FHIT: variants seen among roughly 807,000 people sequenced by gnomAD.
FHIT encodes bis(5'-adenosyl)-triphosphatase.
FHIT carries 19 observed loss-of-function variants against 17.9 expected under a neutral mutation model. The observed-to-expected ratio is 1.06, with a 90% CI of 0.74 to 1.56. The LOEUF is 1.56. Among genes scored for constraint, FHIT ranks in the 40% most tolerant of loss-of-function variants. The pLI is 0.00. For synonymous variants in FHIT, 81 were observed against 69.7 expected (o/e 1.16, Z -0.81); for missense variants, 248 against 189.2 (o/e 1.31, Z -1.82).
chr3:61,233,003 A>T (rs2040143511), intron 1 of FHIT, among the ~76,000 whole-genome samples: 1 of 152,232 alleles, frequency 6.6e-6, no homozygotes, highest in Admixed American at 6.5e-5. Flanking sequence ...CTTAAGGGAG[A>T]TGGGTACAAA....
chr3:61,163,255 G>T (rs2037747040), intron 2 of FHIT, among the ~76,000 whole-genome samples: 3 of 152,144 alleles, frequency 2.0e-5, no homozygotes, highest in Non-Finnish European at 4.4e-5. Context: ...CTGCCAAGAA[G>T]TTTAGATCTC....
intron 5 of FHIT, among the ~76,000 whole-genome samples, chr3:60,291,614 A>G (rs910267419): frequency 6.6e-6 from 1 of 152,152 alleles, no homozygotes; most frequent in Non-Finnish European, 1.5e-5. Flanking sequence ...GTAGGAAAAA[A>G]ATAATTTCTT....
At chr3:61,141,334 G>A (rs966735086) in intron 2 of FHIT, among the ~76,000 whole-genome samples, 3 of 152,102 alleles carry the variant, frequency 2.0e-5, no homozygotes, top group Admixed American at 6.5e-5. Context: ...CTCAGTCTTC[G>A]GAGCTTCAAA....
At chr3:60,352,783 G>T (rs1025517477) in intron 5 of FHIT, among the ~76,000 whole-genome samples, 1 of 152,106 alleles carries the variant, frequency 6.6e-6, no homozygotes, top group African/African-American at 2.4e-5. Context: ...CAGGTCACTG[G>T]GTTTACAGGC....
intron 5 of FHIT, among the ~76,000 whole-genome samples, chr3:60,533,108 AT>A (rs1302912109): frequency 1.3e-5 from 2 of 151,992 alleles, no homozygotes; most frequent in African/African-American, 2.4e-5. Flanking sequence ...CCATCAATTC[AT>A]TCACTGCTTT....
intron 2 of FHIT, among the ~76,000 whole-genome samples, chr3:61,135,782 G>A (rs1180172936): frequency 6.6e-6 from 1 of 152,110 alleles, no homozygotes; most frequent in Non-Finnish European, 1.5e-5. Flanking sequence ...TGATCAATGT[G>A]TTTTCATCAA....
intron 3 of FHIT, among the ~76,000 whole-genome samples, chr3:60,941,990 T>C (rs543524469): frequency 6.6e-6 from 1 of 152,220 alleles, no homozygotes; most frequent in East Asian, 1.9e-4. Flanking sequence ...TAGTTTCTGT[T>C]GTTGTTGTTG....
At chr3:60,221,848 T>C (rs1559739252) in intron 5 of FHIT, among the ~76,000 whole-genome samples, 1 of 152,150 alleles carries the variant, frequency 6.6e-6, no homozygotes, top group Non-Finnish European at 1.5e-5. Flanking sequence ...CCCAATTCTC[T>C]ATCGCTGTCC....
chr3:60,161,756 G>A (rs1011333388), intron 5 of FHIT, among the ~76,000 whole-genome samples: 2 of 152,080 alleles, frequency 1.3e-5, no homozygotes, highest in East Asian at 1.9e-4. Context: ...TCTACTACAT[G>A]AAAGGAAAAC....
intron 5 of FHIT, among the ~76,000 whole-genome samples, chr3:60,493,108 C>T (rs771235005): frequency 9.9e-5 from 15 of 151,922 alleles, no homozygotes; most frequent in Non-Finnish European, 1.8e-4. Context: ...GAGAAAAGGG[C>T]AAGGGAAGAC....
chr3:60,347,087 C>G (rs1350158018), intron 5 of FHIT, among the ~76,000 whole-genome samples: 2 of 151,406 alleles, frequency 1.3e-5, no homozygotes, highest in East Asian at 1.9e-4. Flanking sequence ...TTTTCCAATG[C>G]AAAGATTCCC....
intron 5 of FHIT, among the ~76,000 whole-genome samples, chr3:60,294,723 C>G (rs1708132371): frequency 1.3e-5 from 2 of 152,252 alleles, no homozygotes; most frequent in Non-Finnish European, 2.9e-5. Context: ...TCACTGCCAA[C>G]CACTCATCTG....
At chr3:60,724,520 C>A in intron 4 of FHIT, among the ~76,000 whole-genome samples, 1 of 152,222 alleles carries the variant, frequency 6.6e-6, no homozygotes, top group South Asian at 2.1e-4. Context: ...CTGGGTCATA[C>A]ATATGTTTAA....
chr3:61,008,668 C>A (rs2031603172), intron 3 of FHIT, among the ~76,000 whole-genome samples: 6 of 152,106 alleles, frequency 3.9e-5, no homozygotes, highest in Admixed American at 3.3e-4. Flanking sequence ...TGACTGTCAC[C>A]CTGTAAATCT....
chr3:59,755,330 G>GGCAAGACTTGTGTCCT (rs1701158693), intron 8 of FHIT, among the ~76,000 whole-genome samples: 1 of 152,140 alleles, frequency 6.6e-6, no homozygotes, highest in African/African-American at 2.4e-5. Context: ...GGCCCTGGTG[G>GGCAAGACTTGTGTCCT]GCAAGACTTG....
chr3:60,078,668 G>A (rs1310065667), intron 5 of FHIT, among the ~76,000 whole-genome samples: 1 of 152,094 alleles, frequency 6.6e-6, no homozygotes, highest in Non-Finnish European at 1.5e-5. Context: ...ATTACACTAT[G>A]TTTTTCTAAG....
chr3:61,192,856 AC>A lies in FHIT; in HGVS notation c.-164+7760del, dbSNP rs557611280. Among the ~76,000 whole-genome samples, 11 of 152,338 alleles carry A rather than the reference AC, an allele frequency of 7.2e-5. No homozygotes were observed. In the South Asian group the frequency reaches 2.1e-3, roughly 29 times the overall value. On this transcript the variant is annotated intron_variant, in intron 2 of 9. Coordinates refer to ENST00000492590, the MANE Select transcript of FHIT (RefSeq NM_002012.4). The stretch of plus-strand genomic sequence containing the variant: ...ACACTTATCATGGGAGTCATAAAGT[AC>A]CACACAAATGGTGAGGCATCACCTT...
chr3:60,402,038 T>C (rs1347875982), intron 5 of FHIT, among the ~76,000 whole-genome samples: 1 of 152,146 alleles, frequency 6.6e-6, no homozygotes, highest in Non-Finnish European at 1.5e-5. Context: ...ACAAAATGCA[T>C]GCTTGATTAC....
At chr3:60,806,366 T>C (rs1015887516) in intron 4 of FHIT, among the ~76,000 whole-genome samples, 1 of 152,188 alleles carries the variant, frequency 6.6e-6, no homozygotes, top group Non-Finnish European at 1.5e-5. Flanking sequence ...CCTTCTAGGA[T>C]CAATTTATCT....
Sources: gnomAD v4.1 joint callset for allele counts (sites outside exome capture counted in the v4.1 genomes callset) on GRCh38, gnomAD v4.1.1 for gene constraint, MANE v1.5 for transcripts, NCBI Gene and HGNC (gene_info 2026-07-23, HGNC 2026-07-21) for gene names.